TG: variants seen among roughly 807,000 people sequenced by gnomAD.
TG encodes the protein thyroid hormones.
TG carries 270 observed loss-of-function variants against 324.7 expected under a neutral mutation model. That is an observed-to-expected ratio of 0.83 (90% CI 0.75 to 0.92). The LOEUF (loss-of-function observed/expected upper bound fraction) is 0.92. Among genes scored for constraint, TG ranks in the 40% least tolerant of loss-of-function variants. The probability of loss-of-function intolerance (pLI) is 0.00; values close to 1 mark genes in which losing one functional copy is unlikely to be tolerated. For missense variants in TG, 3,591 were observed against 3,456.4 expected (o/e 1.04, Z -0.98); for synonymous variants, 1,401 against 1,327.0 (o/e 1.06, Z -1.21).
rs1815590673 is a variant in TG, at chr8:132,887,500, G to A, written c.2128G>A (p.Gly710Ser). 6.2e-7 allele frequency: 1 copy of A among 1,614,064 alleles called. No individual in the cohort carries two copies. The highest frequency in any genetic ancestry group is 1.3e-5 in the African/African-American group (1 of 74,928). ...AGAGTGCTACTGTGTTGATGCTGAG[G>A]GTCAGGCCATTCCTGGAACTCGAAG... Reference protein sequence around the residue: ...NSECYCVDAEGQAIPGTRSAI... With the variant: ...NSECYCVDAESQAIPGTRSAI... The change falls in exon 9 of 48, where the codon GGT becomes AGT. Residue 710 changes from glycine (G) to serine (S), a missense_variant. Gly to Ser is a moderately conservative substitution (Grantham distance 56). Coordinates refer to ENST00000220616, the MANE Select transcript of TG (RefSeq NM_003235.5).
intron 8 of TG, 145 bp downstream of exon 8, chr8:132,883,144 A>G (rs534397000): frequency 1.1e-5 from 9 of 807,484 alleles, no homozygotes; most frequent in Non-Finnish European, 1.7e-5. Flanking sequence ...TCTGAGAACC[A>G]GTTTATCATC....
intron 2 of TG, among the ~76,000 whole-genome samples, chr8:132,868,813 T>A (rs1406385931): frequency 6.6e-6 from 1 of 152,218 alleles, no homozygotes; most frequent in East Asian, 1.9e-4. Context: ...GTGGTAATAA[T>A]CTAGACAATT....
chr8:133,062,058 G>A (rs185844579), intron 41 of TG, among the ~76,000 whole-genome samples: 1 of 152,318 alleles, frequency 6.6e-6, no homozygotes, highest in Admixed American at 6.5e-5. Context: ...TAAACTCATA[G>A]TGCACCACAG....
In TG at chr8:133,059,676, C is replaced by T. The variant is rs1842081754; in HGVS notation, c.7239+29653C>T. 2.6e-5 allele frequency among the ~76,000 whole-genome samples: 4 copies of T among 152,180 alleles called. No homozygotes were observed. In the South Asian group the frequency reaches 8.3e-4, roughly 32 times the overall value. Reference sequence around the variant, plus strand: ...TAACACAGATCCAGCTCTTGCGGGGCTAAGTATAAGGATGATATTATATTA... The same window carrying T: ...TAACACAGATCCAGCTCTTGCGGGGTTAAGTATAAGGATGATATTATATTA... On this transcript the variant is annotated intron_variant, in intron 41 of 47. Coordinates refer to ENST00000220616, the MANE Select transcript of TG (RefSeq NM_003235.5).
intron 18 of TG, among the ~76,000 whole-genome samples, chr8:132,910,724 A>G (rs559745970): frequency 2.0e-4 from 30 of 152,294 alleles, no homozygotes; most frequent in Admixed American, 3.9e-4. Flanking sequence ...ATGAGAAAAA[A>G]AGTTCTGTTG....
intron 26 of TG, among the ~76,000 whole-genome samples, chr8:132,944,110 G>A (rs766952831): frequency 1.3e-5 from 2 of 152,184 alleles, no homozygotes; most frequent in Non-Finnish European, 2.9e-5. Context: ...GCCGATCTCA[G>A]TGAAGGGCAC....
At chr8:132,890,751 A>G (rs1192689144) in intron 10 of TG, among the ~76,000 whole-genome samples, 1 of 152,254 alleles carries the variant, frequency 6.6e-6, no homozygotes, top group African/African-American at 2.4e-5. Flanking sequence ...CACAGGAAGT[A>G]CTTAATAAGT....
chr8:132,881,896 C>T lies in TG; in HGVS notation c.672C>T (p.Phe224=). The T allele has an allele frequency of 6.2e-7, 1 of 1,614,144 alleles. No homozygotes were observed. The change falls in exon 6 of 48, where the codon TTC becomes TTT. Residue 224 remains phenylalanine, a synonymous_variant. Coordinates refer to ENST00000220616, the MANE Select transcript of TG (RefSeq NM_003235.5). ...ATGCATTTGTGACCTTCAGTTCCTT[C>T]CAGAGGAGGTTCCCTGAGGTATCTG... ...FPDAFVTFSS[F]QRRFPEVSGY... is the part of the protein sequence containing the mutation.
intron 41 of TG, among the ~76,000 whole-genome samples, chr8:133,088,495 A>T (rs549458074): frequency 2.6e-5 from 4 of 152,192 alleles, no homozygotes; most frequent in African/African-American, 9.7e-5. Context: ...TCCAAGCCTC[A>T]GTCTCTCTAT....
At chr8:133,073,474 TG>T (rs1210031509) in intron 41 of TG, among the ~76,000 whole-genome samples, 1 of 152,172 alleles carries the variant, frequency 6.6e-6, no homozygotes, top group Non-Finnish European at 1.5e-5. Flanking sequence ...GCGATTATCC[TG>T]TCTCGCCTCC....
chr8:133,048,652 T>A (rs1839898765), intron 41 of TG: 1 of 156,936 alleles, frequency 6.4e-6, no homozygotes. Flanking sequence ...GCCTCACATC[T>A]TCAGCATGAA....
chr8:133,080,207 G>A (rs142106519), intron 41 of TG, among the ~76,000 whole-genome samples: 7 of 152,310 alleles, frequency 4.6e-5, no homozygotes, highest in Middle Eastern at 3.4e-3. Flanking sequence ...TTTGGGGCTG[G>A]AAATACTTGT....
intron 21 of TG, among the ~76,000 whole-genome samples, chr8:132,921,097 G>A (rs183198592): frequency 2.6e-5 from 4 of 152,258 alleles, no homozygotes; most frequent in African/African-American, 4.8e-5. Flanking sequence ...TCTAATAAGG[G>A]CATTAACAAC....
Position 133,095,055 on chromosome 8 carries a change from A to G in TG, c.7251A>G (p.Ala2417=). ...GCTTTCTCTTCCAGGGAGGCTCCGC[A>G]CTCTCCCCGGCCGCCGTCATCAGCC... ...FRRAVLMGGS[A]LSPAAVISHE... Residue 2417 remains alanine, a synonymous_variant, in exon 42 of 48, where the codon GCA becomes GCG. Transcript: ENST00000220616. 6.2e-7 allele frequency: 1 copy of G among 1,612,778 alleles called. No homozygotes were observed. Among genetic ancestry groups the G allele is most frequent in the Non-Finnish European group, 8.5e-7 (1 of 1,179,794 alleles).
At chr8:132,882,065 ACTGC>A in intron 6 of TG, 96 bp downstream of exon 6, 1 of 897,514 alleles carries the variant, frequency 1.1e-6, no homozygotes, top group South Asian at 1.4e-5. Flanking sequence ...AGCTAGAGTG[ACTGC>A]CTGCCCCCTG....
chr8:133,093,615 T>A (rs1847932412), intron 41 of TG, among the ~76,000 whole-genome samples: 1 of 152,118 alleles, frequency 6.6e-6, no homozygotes, highest in Non-Finnish European at 1.5e-5. Flanking sequence ...GATCCCCCAA[T>A]TCCATGCACT....
chr8:133,029,222 C>G (rs1180887579), intron 40 of TG, among the ~76,000 whole-genome samples: 2 of 146,054 alleles, frequency 1.4e-5, no homozygotes, highest in Non-Finnish European at 1.5e-5. Flanking sequence ...GTATCTAGAT[C>G]ATTTTATTTA....
At chr8:132,928,939 A>G (rs144553933) in intron 22 of TG, 137 bp from the exon 23 acceptor site, 1 of 750,734 alleles carries the variant, frequency 1.3e-6, no homozygotes, top group Non-Finnish European at 2.4e-6. Flanking sequence ...TTACAAAGGA[A>G]TTGCTTTTCC....
chr8:132,921,210 A>C (rs1016582472), intron 21 of TG, among the ~76,000 whole-genome samples: 46 of 152,198 alleles, frequency 3.0e-4, no homozygotes, highest in African/African-American at 9.7e-4. Context: ...TCCATATATA[A>C]GTTTGGTAAG....
Sources: allele counts gnomAD v4.1 joint callset (sites outside exome capture counted in the v4.1 genomes callset), GRCh38; gene constraint gnomAD v4.1.1; transcripts MANE v1.5; gene names NCBI Gene and HGNC (gene_info 2026-07-23, HGNC 2026-07-21).